DTD1: variants seen among roughly 807,000 people sequenced by gnomAD.
DTD1 encodes the protein D-tyrosyl-tRNA deacylase 1 homolog.
In DTD1, 13 loss-of-function variants were observed where a neutral mutation model predicts 25.6. The observed-to-expected ratio is 0.51, with a 90% CI of 0.33 to 0.81. The LOEUF (loss-of-function observed/expected upper bound fraction) is 0.81, where lower values mean the gene tolerates loss of function less well. DTD1 is among the 30% of genes least tolerant of loss of function. The probability of loss-of-function intolerance (pLI) is 0.02; values close to 1 mark genes in which losing one functional copy is unlikely to be tolerated. For missense variants in DTD1, 193 were observed against 266.4 expected, an observed-to-expected ratio of 0.72 and a Z score of 1.92; for synonymous variants, 110 against 103.6, an observed-to-expected ratio of 1.06 and a Z score of -0.37.
intron 3 of DTD1, among the ~76,000 whole-genome samples, chr20:18,610,839 G>A (rs1045872437): frequency 1.0e-5 from 1 of 98,936 alleles, no homozygotes; most frequent in Non-Finnish European, 2.4e-5. Flanking sequence ...TTTCACACAG[G>A]AGATTGAGGC....
At chr20:18,613,764 C>T (rs1464607264) in intron 3 of DTD1, among the ~76,000 whole-genome samples, 1 of 152,144 alleles carries the variant, frequency 6.6e-6, no homozygotes, top group Non-Finnish European at 1.5e-5. Flanking sequence ...GGTGGCTGCA[C>T]ATGTGCTTGG....
chr20:18,706,903 G>A (rs1600381861), intron 4 of DTD1, among the ~76,000 whole-genome samples: 1 of 152,216 alleles, frequency 6.6e-6, no homozygotes, highest in Non-Finnish European at 1.5e-5. Context: ...TTAATTGAAT[G>A]TTTCGGAATT....
chr20:18,678,606 T>C (rs939431810), intron 4 of DTD1, among the ~76,000 whole-genome samples: 1 of 152,240 alleles, frequency 6.6e-6, no homozygotes, highest in Non-Finnish European at 1.5e-5. Flanking sequence ...TTTAGGATTA[T>C]AAAATGGACA....
At chr20:18,671,637 G>C (rs2060951451) in intron 4 of DTD1, among the ~76,000 whole-genome samples, 1 of 152,220 alleles carries the variant, frequency 6.6e-6, no homozygotes, top group Non-Finnish European at 1.5e-5. Flanking sequence ...TGTTGTTAGA[G>C]CAGATGTTTT....
intron 4 of DTD1, among the ~76,000 whole-genome samples, chr20:18,661,933 C>T (rs527715173): frequency 6.6e-6 from 1 of 152,244 alleles, no homozygotes; most frequent in Non-Finnish European, 1.5e-5. Flanking sequence ...AGGAGGATTG[C>T]TTGAGGTCAA....
In DTD1 at chr20:18,728,080, G is replaced by A. The variant is rs999509778; in HGVS notation, c.478-16020G>A. Among the ~76,000 whole-genome samples, 6 of 152,148 alleles carry A rather than the reference G, an allele frequency of 3.9e-5. No individual in the cohort carries two copies. The South Asian group carries it at 1.2e-3, about 32-fold the overall frequency. ...TAGGGGATGGGAGGGGCATGGGTAG[G>A]ACCCTGGAGGGGTTTTCAGTCCCTT... On this transcript the variant is annotated intron_variant, in intron 4 of 5. Transcript: ENST00000377452.
intron 4 of DTD1, among the ~76,000 whole-genome samples, chr20:18,634,320 G>A (rs1387593752): frequency 6.6e-6 from 1 of 152,194 alleles, no homozygotes; most frequent in Non-Finnish European, 1.5e-5. Flanking sequence ...CTGGTGAGAA[G>A]GGCCATTGGT....
intron 3 of DTD1, among the ~76,000 whole-genome samples, chr20:18,613,337 A>C (rs2060695621): frequency 6.6e-6 from 1 of 152,216 alleles, no homozygotes; most frequent in Admixed American, 6.5e-5. Flanking sequence ...TGTTTCTGCC[A>C]CAGCGTGGTA....
chr20:18,722,283 C>T (rs1175984841), intron 4 of DTD1, among the ~76,000 whole-genome samples: 1 of 152,194 alleles, frequency 6.6e-6, no homozygotes. Context: ...TCTGGCGGTA[C>T]CAGGCACTCA....
At chr20:18,596,615 A>G (rs1884877) in intron 3 of DTD1, among the ~76,000 whole-genome samples, 77,549 of 152,010 alleles carry the variant, frequency 0.51, 20,159 homozygotes, top group Middle Eastern at 0.56. Flanking sequence ...ATTTAAAAAA[A>G]TAAAAAGAAA....
chr20:18,622,931 A>G (rs2060741018), intron 3 of DTD1, among the ~76,000 whole-genome samples: 1 of 110,332 alleles, frequency 9.1e-6, no homozygotes. Context: ...ATTAGAAGAC[A>G]ATTTTATAGA....
chr20:18,695,469 TCTTTCCCTTCCCTTCCCTTCCTTTC>T (rs2061069398), intron 4 of DTD1, among the ~76,000 whole-genome samples: 1 of 440 alleles, frequency 2.3e-3, no homozygotes, highest in African/African-American at 8.5e-3. Context: ...CCCTTCCCCT[TCTTTCCCTTCCCTTCCCTTCCTTTC>T]CTTTCCCTTC....
chr20:18,648,879 C>T (rs1051724815), intron 4 of DTD1, among the ~76,000 whole-genome samples: 48 of 150,708 alleles, frequency 3.2e-4, no homozygotes, highest in Non-Finnish European at 6.2e-4. Flanking sequence ...GCTTGTAGTC[C>T]CAGCTACTCG....
chr20:18,735,133 C>T lies in DTD1; in HGVS notation c.478-8967C>T, dbSNP rs75319246. 8.8e-3 allele frequency among the ~76,000 whole-genome samples: 1,344 copies of T among 152,294 alleles called. 14 individuals carry two copies. The highest frequency in any genetic ancestry group is 0.035 in the South Asian group (169 of 4,824). ...GGGTTTGGTTGTAACAGAACTTTTCCGTCTACATTATGATCTATAAAAATC... is the reference window on the plus strand; with the variant it reads ...GGGTTTGGTTGTAACAGAACTTTTCTGTCTACATTATGATCTATAAAAATC... On this transcript the variant is annotated intron_variant, in intron 4 of 5. Coordinates refer to ENST00000377452, the MANE Select transcript of DTD1 (RefSeq NM_080820.6).
chr20:18,646,886 G>C (rs2060852475), intron 4 of DTD1, among the ~76,000 whole-genome samples: 1 of 152,204 alleles, frequency 6.6e-6, no homozygotes, highest in African/African-American at 2.4e-5. Context: ...GATGTCGAGA[G>C]AGGAGGGCAT....
intron 4 of DTD1, among the ~76,000 whole-genome samples, chr20:18,693,583 G>C (rs1238190751): frequency 6.6e-6 from 1 of 151,580 alleles, no homozygotes; most frequent in African/African-American, 2.4e-5. Context: ...CTTGAACCCA[G>C]GAGGCGGAGG....
chr20:18,703,741 T>C (rs1373580459), intron 4 of DTD1, among the ~76,000 whole-genome samples: 1 of 150,918 alleles, frequency 6.6e-6, no homozygotes, highest in African/African-American at 2.5e-5. Flanking sequence ...TTTTTTTTTG[T>C]TTCTGTTTTC....
intron 3 of DTD1, among the ~76,000 whole-genome samples, chr20:18,597,256 T>G (rs1301214664): frequency 6.6e-6 from 1 of 151,852 alleles, no homozygotes; most frequent in Non-Finnish European, 1.5e-5. Context: ...TATTTCTAAG[T>G]TTTTAACATT....
At chr20:18,628,439 T>C (rs1184117072) in intron 4 of DTD1, among the ~76,000 whole-genome samples, 3 of 152,244 alleles carry the variant, frequency 2.0e-5, no homozygotes, top group Non-Finnish European at 4.4e-5. Context: ...TGCCTCGTCC[T>C]GCCTTTGAAT....
Sources: allele counts gnomAD v4.1 joint callset (sites outside exome capture counted in the v4.1 genomes callset), GRCh38; gene constraint gnomAD v4.1.1; transcripts MANE v1.5; gene names NCBI Gene and HGNC (gene_info 2026-07-23, HGNC 2026-07-21).